The following SLC30A9 variants were observed in gnomAD, a reference collection of about 807,000 sequenced individuals.
The protein encoded by SLC30A9 is solute carrier family 30 member 9, also known as proton-coupled zinc antiporter SLC30A9, mitochondrial.
In SLC30A9, 58 loss-of-function variants were observed where a neutral mutation model predicts 87.5. The ratio of observed to expected loss-of-function variants is 0.66; its 90% CI spans 0.54 to 0.82. The LOEUF (loss-of-function observed/expected upper bound fraction) is 0.82, where lower values mean the gene tolerates loss of function less well. Among genes scored for constraint, SLC30A9 ranks in the 40% least tolerant of loss-of-function variants. SLC30A9 has a pLI of 0.00. For synonymous variants in SLC30A9, 234 were observed against 233.0 expected, an observed-to-expected ratio of 1.00 and a Z score of -0.04; for missense variants, 557 against 679.1, an observed-to-expected ratio of 0.82 and a Z score of 2.00.
At chr4:42,030,806 G>A (rs1716402891) in intron 6 of SLC30A9, among the ~76,000 whole-genome samples, 1 of 152,180 alleles carries the variant, frequency 6.6e-6, no homozygotes, top group Non-Finnish European at 1.5e-5. Flanking sequence ...TGTTTTGAAT[G>A]CTGTCTTGAC....
intron 14 of SLC30A9, among the ~76,000 whole-genome samples, chr4:42,069,742 T>C (rs769721878): frequency 3.3e-5 from 5 of 152,252 alleles, no homozygotes; most frequent in Non-Finnish European, 7.3e-5. Flanking sequence ...TATACATTCA[T>C]AGATGATAAA....
At chr4:42,061,192 AT>A (rs1489862158) in intron 10 of SLC30A9, among the ~76,000 whole-genome samples, 1 of 152,234 alleles carries the variant, frequency 6.6e-6, no homozygotes, top group Non-Finnish European at 1.5e-5. Flanking sequence ...ATTTTCTGCA[AT>A]GATGGAAATA....
chr4:42,039,181 A>G (rs1716811938), intron 8 of SLC30A9, 128 bp downstream of exon 8: 1 of 684,222 alleles, frequency 1.5e-6, no homozygotes, highest in Admixed American at 2.5e-5. Context: ...TTAGGAGGAA[A>G]TTGAATAAGT....
intron 14 of SLC30A9, among the ~76,000 whole-genome samples, chr4:42,067,813 GGTGT>G (rs1290441119): frequency 2.0e-5 from 3 of 152,126 alleles, no homozygotes; most frequent in Non-Finnish European, 2.9e-5. Context: ...TGAGTGTGGG[GGTGT>G]GTGTAAGTGT....
At chr4:42,002,500 C>T (rs1326144673) in intron 2 of SLC30A9, among the ~76,000 whole-genome samples, 1 of 151,860 alleles carries the variant, frequency 6.6e-6, no homozygotes. Flanking sequence ...GTGTTTAGCT[C>T]CTAGTTATAA....
intron 12 of SLC30A9, among the ~76,000 whole-genome samples, chr4:42,065,823 A>G (rs1448659065): frequency 6.6e-6 from 1 of 152,250 alleles, no homozygotes; most frequent in East Asian, 1.9e-4. Context: ...GATTCACTAA[A>G]AATTGGATAA....
chr4:42,055,916 T>C lies in SLC30A9; in HGVS notation c.841-4275T>C, dbSNP rs184723406. On this transcript the variant is annotated intron_variant, in intron 9 of 17. Coordinates refer to ENST00000264451, the MANE Select transcript of SLC30A9 (RefSeq NM_006345.4). ...GTACTTCTTAGCCACTAGATGTTAA[T>C]GTTCGTTATGCTGCAAACTAAACAA... 1.5e-4 allele frequency among the ~76,000 whole-genome samples: 23 copies of C among 152,334 alleles called. No individual in the cohort carries two copies. In the East Asian group the frequency reaches 4.4e-3, roughly 29 times the overall value.
chr4:42,049,265 C>T, intron 8 of SLC30A9, 112 bp from the exon 9 acceptor site: 2 of 585,104 alleles, frequency 3.4e-6, no homozygotes, highest in Non-Finnish European at 3.0e-6. Context: ...TGTGCTTAGC[C>T]TAATTTTACT....
chr4:42,044,163 A>T (rs1717042756), intron 8 of SLC30A9, among the ~76,000 whole-genome samples: 1 of 152,186 alleles, frequency 6.6e-6, no homozygotes, highest in Non-Finnish European at 1.5e-5. Flanking sequence ...AATGAGCAAA[A>T]TAACCAACTA....
At chr4:42,075,466 CA>C (rs201224389) in intron 15 of SLC30A9, among the ~76,000 whole-genome samples, 190 bp from the exon 16 acceptor site, 2 of 148,204 alleles carry the variant, frequency 1.3e-5, no homozygotes, top group Non-Finnish European at 1.5e-5. Flanking sequence ...GATATCATGC[CA>C]AAAAAAAAGC....
At chr4:41,995,208 C>T (rs1242638417) in intron 1 of SLC30A9, among the ~76,000 whole-genome samples, 1 of 152,108 alleles carries the variant, frequency 6.6e-6, no homozygotes, top group Middle Eastern at 3.2e-3. Context: ...TGCAGTGAGC[C>T]GAGATCGTGC....
At chr4:42,052,897 A>G (rs1717438568) in intron 9 of SLC30A9, among the ~76,000 whole-genome samples, 1 of 152,226 alleles carries the variant, frequency 6.6e-6, no homozygotes, top group Non-Finnish European at 1.5e-5. Flanking sequence ...AAAATTAAAA[A>G]CTTTTGCTCA....
At chr4:42,044,386 C>CAAAAAAAAAAAAAAAAAA (rs57572080) in intron 8 of SLC30A9, among the ~76,000 whole-genome samples, 8 of 98,710 alleles carry the variant, frequency 8.1e-5, no homozygotes, top group African/African-American at 3.5e-4. Flanking sequence ...AAATGGAAAG[C>CAAAAAAAAAAAAAAAAAA]AAAAAAAAAA....
intron 8 of SLC30A9, among the ~76,000 whole-genome samples, chr4:42,042,785 T>C (rs750200688): frequency 6.6e-6 from 1 of 152,134 alleles, no homozygotes; most frequent in Non-Finnish European, 1.5e-5. Context: ...GATGGGGAGA[T>C]ACCTCCCAGC....
At chr4:42,082,456 G>T (rs1718776106) in intron 17 of SLC30A9, among the ~76,000 whole-genome samples, 1 of 152,074 alleles carries the variant, frequency 6.6e-6, no homozygotes, top group Non-Finnish European at 1.5e-5. Context: ...GATTATTTTG[G>T]GAGGTCACAC....
Position 42,033,322 on chromosome 4 carries a change from G to GT in SLC30A9, c.611-1943dup, listed in dbSNP as rs1036932131. Among the ~76,000 whole-genome samples the GT allele has an allele frequency of 8.1e-3, 1,193 of 146,458 alleles. 19 individuals are homozygous for GT. The highest frequency in any genetic ancestry group is 0.028 in the African/African-American group (1,110 of 39,914). ...TAAGTAACTGTTTTAAAGTTTTTGG[G>GT]TTTTTTTTTTAATACTTAAAATATA... On this transcript the variant is annotated intron_variant, in intron 6 of 17. Coordinates refer to ENST00000264451, the MANE Select transcript of SLC30A9 (RefSeq NM_006345.4).
At chr4:42,038,052 G>A (rs972063936) in intron 7 of SLC30A9, among the ~76,000 whole-genome samples, 11 of 152,214 alleles carry the variant, frequency 7.2e-5, no homozygotes, top group South Asian at 2.1e-4. Context: ...GATTACAAGC[G>A]TGAGCCACTG....
intron 1 of SLC30A9, among the ~76,000 whole-genome samples, chr4:41,997,533 T>A (rs1009033155): frequency 1.3e-5 from 2 of 152,192 alleles, no homozygotes; most frequent in African/African-American, 4.8e-5. Context: ...ACCACATTTT[T>A]AGTAGTTGAA....
At chr4:42,005,290 C>T (rs960087769) in intron 2 of SLC30A9, among the ~76,000 whole-genome samples, 2 of 152,168 alleles carry the variant, frequency 1.3e-5, no homozygotes, top group East Asian at 1.9e-4. Flanking sequence ...GTGTGCTACT[C>T]TCCAGTAGCA....
Sources: gnomAD v4.1 joint callset for allele counts (sites outside exome capture counted in the v4.1 genomes callset) on GRCh38, gnomAD v4.1.1 for gene constraint, MANE v1.5 for transcripts, NCBI Gene and HGNC (gene_info 2026-07-23, HGNC 2026-07-21) for gene names.